Variants in TMTC2 observed in about 807,000 individuals in gnomAD.
TMTC2 encodes the protein protein O-mannosyl-transferase TMTC2.
In TMTC2, 43 loss-of-function variants were observed where a neutral mutation model predicts 82.4. The ratio of observed to expected loss-of-function variants is 0.52; its 90% CI spans 0.41 to 0.67. TMTC2 has a LOEUF of 0.67. Ranked by LOEUF, TMTC2 falls within the 30% of genes least tolerant of loss-of-function variation. TMTC2 has a pLI of 0.00. For missense variants in TMTC2, 919 were observed against 1,012.4 expected (o/e 0.91, Z 1.25); for synonymous variants, 408 against 381.9 (o/e 1.07, Z -0.80).
At chr12:82,973,126 C>T (rs1592667210) in intron 7 of TMTC2, among the ~76,000 whole-genome samples, 1 of 152,206 alleles carries the variant, frequency 6.6e-6, no homozygotes, top group South Asian at 2.1e-4. Flanking sequence ...ACTCCAGTAG[C>T]GTTAAGCTTT....
At chr12:82,814,681 A>G (rs919050669) in intron 1 of TMTC2, among the ~76,000 whole-genome samples, 1 of 152,160 alleles carries the variant, frequency 6.6e-6, no homozygotes. Context: ...TGTTCCTTAA[A>G]TTGTTTGACT....
At chr12:82,994,910 C>G (rs765734442) in intron 8 of TMTC2, among the ~76,000 whole-genome samples, 27 of 152,110 alleles carry the variant, frequency 1.8e-4, no homozygotes, top group South Asian at 4.2e-4. Flanking sequence ...GCACAGGATC[C>G]CATACCACTT....
rs1230922332 is a variant in TMTC2, at chr12:83,115,641, TTTA to T, written c.2332-16563_2332-16561del. On this transcript the variant is annotated intron_variant, in intron 11 of 11. Transcript: ENST00000321196. ...GCCTCGGATCTAGGTTTTCCTTTTT[TTTA>T]TTATTTTTTTTTTTATTTCTATAGG... Among the ~76,000 whole-genome samples the T allele has an allele frequency of 1.2e-4, 10 of 85,018 alleles. No homozygotes were observed. In the East Asian group the frequency reaches 3.3e-3, roughly 28 times the overall value. The allele number at this position is 85,018 out of a possible 152,430, so 55.8% of individuals were successfully genotyped here.
intron 2 of TMTC2, among the ~76,000 whole-genome samples, chr12:82,888,557 G>A (rs997421679): frequency 1.3e-5 from 2 of 152,168 alleles, no homozygotes; most frequent in African/African-American, 4.8e-5. Context: ...TGAGTAGTTG[G>A]GACTACAGGC....
chr12:82,938,985 A>G (rs1485058130), intron 4 of TMTC2, among the ~76,000 whole-genome samples: 1 of 152,028 alleles, frequency 6.6e-6, no homozygotes, highest in East Asian at 1.9e-4. Flanking sequence ...TGACTTTTTT[A>G]CGTGTGTGCA....
At chr12:82,911,217 G>A (rs1037786095) in intron 3 of TMTC2, among the ~76,000 whole-genome samples, 18 of 152,192 alleles carry the variant, frequency 1.2e-4, no homozygotes, top group Middle Eastern at 3.4e-3. Flanking sequence ...TTGGGTGTGG[G>A]GGGGCCAGGG....
At chr12:82,885,585 G>T (rs1191399245) in intron 2 of TMTC2, among the ~76,000 whole-genome samples, 1 of 151,744 alleles carries the variant, frequency 6.6e-6, no homozygotes, top group African/African-American at 2.4e-5. Flanking sequence ...GCCCAAGTGG[G>T]TCCTGAACTT....
intron 4 of TMTC2, among the ~76,000 whole-genome samples, chr12:82,948,492 T>C (rs1344822387): frequency 6.6e-6 from 1 of 152,192 alleles, no homozygotes; most frequent in Non-Finnish European, 1.5e-5. Flanking sequence ...AAAATATATA[T>C]ATAGCTTCAG....
At chr12:82,730,074 T>G (rs937847300) in intron 1 of TMTC2, among the ~76,000 whole-genome samples, 3 of 152,068 alleles carry the variant, frequency 2.0e-5, no homozygotes. Flanking sequence ...ACACGCTGCC[T>G]TTAAGAACTG....
chr12:82,895,560 T>C (rs1172875643), intron 2 of TMTC2, among the ~76,000 whole-genome samples: 1 of 152,122 alleles, frequency 6.6e-6, no homozygotes, highest in Non-Finnish European at 1.5e-5. Flanking sequence ...GCTATGATTA[T>C]TGGTATTTTA....
At chr12:82,932,918 A>T (rs1876121062) in intron 4 of TMTC2, among the ~76,000 whole-genome samples, 1 of 152,196 alleles carries the variant, frequency 6.6e-6, no homozygotes, top group African/African-American at 2.4e-5. Context: ...ATTTCACTTG[A>T]CATGTAATTT....
chr12:83,000,060 C>A (rs1879845748), intron 8 of TMTC2, among the ~76,000 whole-genome samples: 1 of 152,140 alleles, frequency 6.6e-6, no homozygotes, highest in African/African-American at 2.4e-5. Context: ...TAGGTAAATA[C>A]AGCCATTCCA....
At chr12:82,946,936 G>A (rs1877038900) in intron 4 of TMTC2, among the ~76,000 whole-genome samples, 1 of 151,954 alleles carries the variant, frequency 6.6e-6, no homozygotes, top group Non-Finnish European at 1.5e-5. Context: ...TAAAGACGGG[G>A]TTTCGCAGTG....
intron 1 of TMTC2, among the ~76,000 whole-genome samples, chr12:82,844,966 AC>A (rs1170415912): frequency 2.0e-5 from 3 of 149,714 alleles, no homozygotes; most frequent in Non-Finnish European, 4.5e-5. Flanking sequence ...GGTGGCTCAC[AC>A]CTGTAATCCC....
chr12:83,133,540 T>C lies in TMTC2; in HGVS notation c.*1151T>C, dbSNP rs1885334723. 6.6e-6 allele frequency: 1 copy of C among 152,248 alleles called. No homozygotes were observed. Among genetic ancestry groups the C allele is most frequent in the Non-Finnish European group, 1.5e-5 (1 of 68,042 alleles). The allele number at this position is 152,248 out of a possible 1,614,324, so 9.4% of individuals were successfully genotyped here. Reference sequence around the variant, plus strand: ...ACTTATTTGAAGCTGCAATAGAGTGTAGCATTAGCCTGCATGTTTCTAGGT... The same window carrying C: ...ACTTATTTGAAGCTGCAATAGAGTGCAGCATTAGCCTGCATGTTTCTAGGT... On this transcript the variant is annotated 3_prime_UTR_variant, in exon 12 of 12. Transcript: ENST00000321196.
At chr12:82,941,109 AT>A (rs1418185061) in intron 4 of TMTC2, among the ~76,000 whole-genome samples, 1 of 152,190 alleles carries the variant, frequency 6.6e-6, no homozygotes, top group Non-Finnish European at 1.5e-5. Context: ...GGTGTCACAA[AT>A]GTTAATATCC....
chr12:82,928,703 G>A (rs17010139), intron 3 of TMTC2, among the ~76,000 whole-genome samples: 2,978 of 152,256 alleles, frequency 0.02, 101 homozygotes, highest in East Asian at 0.17. Flanking sequence ...AAATTCTTTA[G>A]TGCCTCTGTC....
intron 7 of TMTC2, among the ~76,000 whole-genome samples, chr12:82,981,414 A>T (rs139257161): frequency 6.6e-6 from 1 of 151,800 alleles, no homozygotes; most frequent in Non-Finnish European, 1.5e-5. Flanking sequence ...AGAGAGAGTG[A>T]CATTATTTGT....
intron 4 of TMTC2, among the ~76,000 whole-genome samples, chr12:82,932,241 C>T (rs980761086): frequency 4.6e-5 from 7 of 152,138 alleles, no homozygotes; most frequent in East Asian, 1.9e-4. Flanking sequence ...ACGTTGACTT[C>T]GTGTTTAACC....
Sources: allele counts gnomAD v4.1 joint callset (sites outside exome capture counted in the v4.1 genomes callset), GRCh38; gene constraint gnomAD v4.1.1; transcripts MANE v1.5; gene names NCBI Gene and HGNC (gene_info 2026-07-23, HGNC 2026-07-21).